KCNIP4: variants seen among roughly 807,000 people sequenced by gnomAD.
The protein encoded by KCNIP4 is potassium voltage-gated channel interacting protein 4.
KCNIP4 carries 12 observed loss-of-function variants against 34.0 expected under a neutral mutation model. The ratio of observed to expected loss-of-function variants is 0.35; its 90% CI spans 0.23 to 0.57. KCNIP4 has a LOEUF of 0.57. KCNIP4 is among the 20% of genes least tolerant of loss of function. The pLI, the probability that KCNIP4 is intolerant of heterozygous loss-of-function variation, is 0.83. For synonymous variants in KCNIP4, 124 were observed against 102.2 expected (o/e 1.21, Z -1.29); for missense variants, 238 against 311.7 (o/e 0.76, Z 1.78).
At chr4:21,288,815 G>A (rs182579613) in intron 1 of KCNIP4, among the ~76,000 whole-genome samples, 1 of 152,152 alleles carries the variant, frequency 6.6e-6, no homozygotes, top group Non-Finnish European at 1.5e-5. Context: ...ATATGTATGA[G>A]AACATGTGGT....
chr4:21,730,631 A>T (rs1234304531), intron 1 of KCNIP4, among the ~76,000 whole-genome samples: 1 of 152,190 alleles, frequency 6.6e-6, no homozygotes, highest in Non-Finnish European at 1.5e-5. Context: ...TTAATAAAAC[A>T]TTGTAATGGG....
intron 1 of KCNIP4, among the ~76,000 whole-genome samples, chr4:21,499,480 T>C (rs540156819): frequency 3.6e-4 from 55 of 152,296 alleles, no homozygotes; most frequent in African/African-American, 1.3e-3. Flanking sequence ...AATGCTGATT[T>C]GTTTTTAAAT....
intron 1 of KCNIP4, among the ~76,000 whole-genome samples, chr4:21,792,106 A>C (rs922463675): frequency 6.7e-4 from 99 of 148,580 alleles, no homozygotes; most frequent in African/African-American, 2.3e-3. Flanking sequence ...TCGTGGTGGG[A>C]AGGGTTGGCT....
In KCNIP4 at chr4:21,815,293, T is replaced by A. The variant is rs185383296; in HGVS notation, c.61+133278A>T. Reference sequence around the variant, plus strand: ...GAGAATCAAATGTGCTAATATAAAATGAAGATGATAATGTAAAATGGGGAT... The same window carrying A: ...GAGAATCAAATGTGCTAATATAAAAAGAAGATGATAATGTAAAATGGGGAT... On this transcript the variant is annotated intron_variant, in intron 1 of 8. Transcript: ENST00000382152. Among the ~76,000 whole-genome samples, 380 of 152,208 alleles carry A rather than the reference T, an allele frequency of 2.5e-3. 1 individual carries two copies. The highest frequency in any genetic ancestry group is 7.9e-3 in the African/African-American group (329 of 41,528).
At chr4:21,340,130 G>T (rs1412133481) in intron 1 of KCNIP4, among the ~76,000 whole-genome samples, 1 of 152,080 alleles carries the variant, frequency 6.6e-6, no homozygotes, top group African/African-American at 2.4e-5. Flanking sequence ...AAAAGGCAAT[G>T]TTAATCATCA....
chr4:21,618,639 T>C (rs1477614193), intron 1 of KCNIP4, among the ~76,000 whole-genome samples: 1 of 140,658 alleles, frequency 7.1e-6, no homozygotes, highest in African/African-American at 2.6e-5. Flanking sequence ...TCTTTTTTTT[T>C]TTTTTTTTTT....
At chr4:21,827,504 A>T (rs1722743554) in intron 1 of KCNIP4, among the ~76,000 whole-genome samples, 1 of 152,046 alleles carries the variant, frequency 6.6e-6, no homozygotes, top group Non-Finnish European at 1.5e-5. Context: ...AGAAAGGCCA[A>T]AAACAAAGTG....
chr4:20,747,340 T>C (rs1364049833), intron 5 of KCNIP4, among the ~76,000 whole-genome samples: 7 of 152,228 alleles, frequency 4.6e-5, no homozygotes, highest in Admixed American at 4.6e-4. Flanking sequence ...TAAAAGTTTA[T>C]ATTAGGTGAA....
chr4:21,694,914 CAAAAAAAA>C (rs368053041), intron 1 of KCNIP4, among the ~76,000 whole-genome samples: 5 of 46,512 alleles, frequency 1.1e-4, no homozygotes, highest in African/African-American at 3.3e-4. Context: ...CACGATTGAC[CAAAAAAAA>C]AAAAAAAATA....
chr4:21,630,132 G>T (rs1356498753), intron 1 of KCNIP4, among the ~76,000 whole-genome samples: 2 of 149,596 alleles, frequency 1.3e-5, no homozygotes, highest in African/African-American at 4.9e-5. Flanking sequence ...CCAAAATACT[G>T]GGATTACAGG....
intron 3 of KCNIP4, among the ~76,000 whole-genome samples, chr4:20,820,559 GA>G (rs1447619646): frequency 6.6e-6 from 1 of 152,224 alleles, no homozygotes; most frequent in Non-Finnish European, 1.5e-5. Context: ...GTGTGTTCAG[GA>G]GGGAACACCA....
chr4:21,496,264 G>A (rs1015228926), intron 1 of KCNIP4, among the ~76,000 whole-genome samples: 52 of 152,040 alleles, frequency 3.4e-4, no homozygotes, highest in African/African-American at 1.2e-3. Context: ...TAGAGCTAGG[G>A]CTAATGTATA....
At chr4:21,033,732 A>T (rs1485823917) in intron 1 of KCNIP4, among the ~76,000 whole-genome samples, 4 of 152,176 alleles carry the variant, frequency 2.6e-5, no homozygotes, top group Non-Finnish European at 5.9e-5. Context: ...AGTCTTCTAT[A>T]AAAAGAAGAA....
chr4:21,618,854 C>G (rs1001877730), intron 1 of KCNIP4, among the ~76,000 whole-genome samples: 1 of 151,814 alleles, frequency 6.6e-6, no homozygotes, highest in Non-Finnish European at 1.5e-5. Flanking sequence ...AGGATGGTCT[C>G]GATCACCTGA....
chr4:20,905,372 A>G (rs1388278345), intron 1 of KCNIP4, among the ~76,000 whole-genome samples: 2 of 152,206 alleles, frequency 1.3e-5, no homozygotes, highest in Non-Finnish European at 2.9e-5. Flanking sequence ...AACTTTAATG[A>G]GTAAAATCAC....
chr4:21,575,206 TA>T (rs139364055), intron 1 of KCNIP4, among the ~76,000 whole-genome samples: 5,832 of 152,156 alleles, frequency 0.038, 366 homozygotes, highest in African/African-American at 0.13. Context: ...CCATGGAGTT[TA>T]AACTAAGAGT....
At chr4:21,274,688 T>C (rs1408361582) in intron 1 of KCNIP4, among the ~76,000 whole-genome samples, 1 of 152,152 alleles carries the variant, frequency 6.6e-6, no homozygotes, top group Non-Finnish European at 1.5e-5. Context: ...TCTCTTAAAG[T>C]ACAAATTTCC....
intron 1 of KCNIP4, among the ~76,000 whole-genome samples, chr4:21,103,906 A>G (rs897524904): frequency 9.7e-4 from 147 of 152,008 alleles, no homozygotes; most frequent in African/African-American, 3.4e-3. Flanking sequence ...CCTACGAAGG[A>G]CATGAACTCA....
chr4:21,244,222 T>A (rs1273865073), intron 1 of KCNIP4, among the ~76,000 whole-genome samples: 2 of 152,230 alleles, frequency 1.3e-5, no homozygotes, highest in Non-Finnish European at 2.9e-5. Context: ...CAAATCAGCA[T>A]AATTGGGATA....
Sources: allele counts gnomAD v4.1 joint callset (sites outside exome capture counted in the v4.1 genomes callset), GRCh38; gene constraint gnomAD v4.1.1; transcripts MANE v1.5; gene names NCBI Gene and HGNC (gene_info 2026-07-23, HGNC 2026-07-21).